ZNF532: variants seen among roughly 807,000 people sequenced by gnomAD.
ZNF532 encodes the protein zinc finger protein 532.
ZNF532 carries 22 observed loss-of-function variants against 89.3 expected under a neutral mutation model. That is an observed-to-expected ratio of 0.25 (90% CI 0.18 to 0.35). The LOEUF is 0.35. Ranked by LOEUF, ZNF532 falls within the 10% of genes least tolerant of loss-of-function variation. ZNF532 has a pLI of 1.00. For synonymous variants in ZNF532, 606 were observed against 649.6 expected (o/e 0.93, Z 1.02); for missense variants, 1,132 against 1,643.4 (o/e 0.69, Z 5.38).
intron 7 of ZNF532, among the ~76,000 whole-genome samples, chr18:58,976,213 A>G (rs1409649753): frequency 6.6e-6 from 1 of 152,238 alleles, no homozygotes; most frequent in Non-Finnish European, 1.5e-5. Context: ...TTTGAATTGC[A>G]GAGTTCATTT....
chr18:58,941,900 TTCCTTCCTTCCTTCCC>T (rs1455156818), intron 5 of ZNF532, among the ~76,000 whole-genome samples: 12 of 150,362 alleles, frequency 8.0e-5, no homozygotes, highest in South Asian at 2.2e-4. Context: ...TTCCTTTTCC[TTCCTTCCTTCCTTCCC>T]TCCTTCCTTC....
chr18:58,939,320 T>TA, intron 4 of ZNF532, 125 bp from the exon 5 acceptor site: 1 of 333,870 alleles, frequency 3.0e-6, no homozygotes. Flanking sequence ...AAAACTAAAA[T>TA]ATACTTCCGA....
chr18:58,959,607 G>A (rs962614172), intron 7 of ZNF532, among the ~76,000 whole-genome samples: 6 of 152,122 alleles, frequency 3.9e-5, no homozygotes, highest in African/African-American at 1.4e-4. Context: ...TGTAACTTGG[G>A]AAGAGCCTGG....
chr18:58,912,089 A>G (rs2060317873), intron 2 of ZNF532, among the ~76,000 whole-genome samples: 1 of 152,138 alleles, frequency 6.6e-6, no homozygotes, highest in African/African-American at 2.4e-5. Context: ...ACTGCAGCAA[A>G]GGGCTGGGGC....
At chr18:58,934,216 C>G in intron 3 of ZNF532, 1 of 440,342 alleles carries the variant, frequency 2.3e-6, no homozygotes, top group South Asian at 6.6e-5. Flanking sequence ...TACTTTGAGA[C>G]GAGCCTGACT....
chr18:58,939,677 C>G (rs2062811263), intron 5 of ZNF532, 56 bp downstream of exon 5: 1 of 1,524,458 alleles, frequency 6.6e-7, no homozygotes. Context: ...AATTTAGAAG[C>G]AAGGTAGTAG....
chr18:58,878,394 A>T (rs932524458), intron 2 of ZNF532, among the ~76,000 whole-genome samples: 19 of 152,406 alleles, frequency 1.2e-4, no homozygotes, highest in Admixed American at 1.1e-3. Flanking sequence ...ACAGATGGCC[A>T]TGCACAAGTG....
At chr18:58,968,673 T>C (rs901783283) in intron 7 of ZNF532, among the ~76,000 whole-genome samples, 1 of 152,150 alleles carries the variant, frequency 6.6e-6, no homozygotes, top group Non-Finnish European at 1.5e-5. Context: ...GGGAGGAGTG[T>C]CGTATCTCTC....
At chr18:58,884,764 C>A (rs924738407) in intron 2 of ZNF532, among the ~76,000 whole-genome samples, 2 of 151,956 alleles carry the variant, frequency 1.3e-5, no homozygotes, top group African/African-American at 4.8e-5. Flanking sequence ...ATCAAACATG[C>A]TTCATTAAGG....
chr18:58,981,577 C>G lies in ZNF532; in HGVS notation c.3371C>G (p.Ala1124Gly). 5 of 1,614,142 alleles carry G rather than the reference C, an allele frequency of 3.1e-6. No individual in the cohort carries two copies. Among genetic ancestry groups the G allele is most frequent in the Non-Finnish European group, 4.2e-6 (5 of 1,180,000 alleles). Residue 1124 changes from alanine to glycine, a missense_variant, in exon 9 of 10, where the codon GCC becomes GGC. Physicochemically the swap from Ala to Gly is moderately conservative, Grantham distance 60. This residue lies in a region of ZNF532 where 415 missense variants were observed against 604.8 expected (regional missense o/e 0.69). Transcript: ENST00000591808. ...CCTGACCTGAAAGAAATGACAGATG[C>G]CACCAATGAGGAGGAAACAGAAATA... is the stretch of plus-strand genomic sequence containing the variant. ...KDPDLKEMTD[A>G]TNEEETEIKE...
chr18:58,917,992 G>A (rs1040295880), intron 2 of ZNF532, among the ~76,000 whole-genome samples: 4 of 152,188 alleles, frequency 2.6e-5, no homozygotes, highest in Non-Finnish European at 4.4e-5. Context: ...CTAGGCTACA[G>A]CAGTTTCAAT....
Position 58,919,711 on chromosome 18 carries a change from C to A in ZNF532, c.1424C>A (p.Thr475Lys), listed in dbSNP as rs757545566. 1 of 1,613,824 alleles carries A rather than the reference C, an allele frequency of 6.2e-7. No homozygotes were observed. The highest frequency in any genetic ancestry group is 8.5e-7 in the Non-Finnish European group (1 of 1,179,948). Residue 475 changes from threonine (T) to lysine (K), a missense_variant, in exon 3 of 10, where the codon ACG (threonine) becomes AAG (lysine). By Grantham distance (78) the Thr-to-Lys change is moderately conservative. This residue lies in a region of ZNF532 where 97 missense variants were observed against 143.7 expected (regional missense o/e 0.68). Transcript: ENST00000591808. The surrounding 1 kb of genome is among the most constrained non-coding windows in gnomAD (Gnocchi z 6.1). ...AATTTGAAGCTCGCTAACAACACCA[C>A]GGTGAAAGCCACGGTCATATCTGCT... is the stretch of plus-strand genomic sequence containing the variant. ...VINLKLANNT[T>K]VKATVISAAS...
intron 5 of ZNF532, among the ~76,000 whole-genome samples, chr18:58,947,189 A>G (rs1280904481): frequency 2.0e-5 from 3 of 152,158 alleles, no homozygotes; most frequent in East Asian, 1.9e-4. Context: ...AGCAGTGACT[A>G]AAAAATGGTG....
intron 2 of ZNF532, among the ~76,000 whole-genome samples, chr18:58,868,656 T>C (rs1328707441): frequency 6.6e-6 from 1 of 152,238 alleles, no homozygotes; most frequent in Non-Finnish European, 1.5e-5. Flanking sequence ...GCTGTATGGA[T>C]GTACCACAGT....
At chr18:58,964,246 C>T (rs2147266147) in intron 7 of ZNF532, 1 of 152,282 alleles carries the variant, frequency 6.6e-6, no homozygotes, top group Middle Eastern at 3.4e-3. Flanking sequence ...GTTACCCTAG[C>T]AACAGGTAAA....
At chr18:58,884,485 AC>A (rs1379097352) in intron 2 of ZNF532, among the ~76,000 whole-genome samples, 2 of 150,420 alleles carry the variant, frequency 1.3e-5, no homozygotes, top group Non-Finnish European at 3.0e-5. Context: ...TTAGGACCTA[AC>A]GCACAAAAAT....
At chr18:58,879,490 CG>C (rs2057713353) in intron 2 of ZNF532, among the ~76,000 whole-genome samples, 1 of 152,098 alleles carries the variant, frequency 6.6e-6, no homozygotes, top group Non-Finnish European at 1.5e-5. Flanking sequence ...CTCCGCCTCC[CG>C]GATTCTCTTG....
At chr18:58,983,603 C>G (rs903621372) in intron 9 of ZNF532, among the ~76,000 whole-genome samples, 9 of 152,112 alleles carry the variant, frequency 5.9e-5, no homozygotes, top group African/African-American at 9.7e-5. Context: ...ACATATACCC[C>G]CCCCTTGCTT....
intron 7 of ZNF532, among the ~76,000 whole-genome samples, chr18:58,959,288 T>C (rs1174995670): frequency 6.6e-6 from 1 of 150,934 alleles, no homozygotes; most frequent in Non-Finnish European, 1.5e-5. Flanking sequence ...TTGGTTTTTT[T>C]TTTTGACAAG....
Sources: allele counts gnomAD v4.1 joint callset (sites outside exome capture counted in the v4.1 genomes callset), GRCh38; gene constraint gnomAD v4.1.1; regional missense constraint gnomAD v4.1.1; non-coding constraint Gnocchi (gnomAD v3.1); transcripts MANE v1.5; gene names NCBI Gene and HGNC (gene_info 2026-07-23, HGNC 2026-07-21).